GAS2: variants seen among roughly 807,000 people sequenced by gnomAD.
GAS2 encodes growth arrest specific 2.
In GAS2, 20 loss-of-function variants were observed where a neutral mutation model predicts 37.5. The ratio of observed to expected loss-of-function variants is 0.53; its 90% CI spans 0.37 to 0.77. GAS2 has a LOEUF of 0.77. Among genes scored for constraint, GAS2 ranks in the 30% least tolerant of loss-of-function variants. The probability of loss-of-function intolerance (pLI) is 0.00; values close to 1 mark genes in which losing one functional copy is unlikely to be tolerated. For missense variants in GAS2, 336 were observed against 373.4 expected (o/e 0.90, Z 0.82); for synonymous variants, 144 against 132.2 (o/e 1.09, Z -0.61).
At chr11:22,783,597 A>G (rs1855675617) in intron 7 of GAS2, among the ~76,000 whole-genome samples, 1 of 152,126 alleles carries the variant, frequency 6.6e-6, no homozygotes, top group African/African-American at 2.4e-5. Context: ...CTTTTGAAGT[A>G]GTTTGTACAA....
intron 1 of GAS2, among the ~76,000 whole-genome samples, chr11:22,645,972 T>A (rs1021897607): frequency 3.3e-5 from 5 of 151,700 alleles, no homozygotes; most frequent in African/African-American, 1.2e-4. Flanking sequence ...GCCTCCCGAG[T>A]AGCTGGGATT....
chr11:22,759,206 G>T (rs913275529), intron 7 of GAS2, among the ~76,000 whole-genome samples: 1 of 152,184 alleles, frequency 6.6e-6, no homozygotes, highest in Admixed American at 6.5e-5. Flanking sequence ...ATTTTCTGCA[G>T]AGAATATCTT....
chr11:22,698,819 A>C (rs1462164835), intron 3 of GAS2, among the ~76,000 whole-genome samples: 1 of 152,174 alleles, frequency 6.6e-6, no homozygotes, highest in Non-Finnish European at 1.5e-5. Flanking sequence ...TATTTAAGAA[A>C]ATGTGAAGTA....
chr11:22,732,469 C>G (rs1186935257), intron 4 of GAS2, among the ~76,000 whole-genome samples: 1 of 151,736 alleles, frequency 6.6e-6, no homozygotes, highest in Non-Finnish European at 1.5e-5. Flanking sequence ...TGTGGATACT[C>G]ACACACATCA....
intron 3 of GAS2, among the ~76,000 whole-genome samples, chr11:22,710,687 A>C (rs929796580): frequency 2.0e-5 from 3 of 152,120 alleles, no homozygotes; most frequent in Non-Finnish European, 4.4e-5. Context: ...CACACCTGCT[A>C]TCTCAAGCTC....
At chr11:22,811,715 C>G in intron 7 of GAS2, 83 bp from the exon 8 acceptor site, 1 of 1,314,676 alleles carries the variant, frequency 7.6e-7, no homozygotes, top group South Asian at 1.3e-5. Flanking sequence ...AACCAAAACA[C>G]TAATTTCACT....
intron 7 of GAS2, among the ~76,000 whole-genome samples, chr11:22,805,454 A>G (rs934678497): frequency 6.6e-6 from 1 of 152,142 alleles, no homozygotes; most frequent in African/African-American, 2.4e-5. Flanking sequence ...ATCATGCAGT[A>G]CAACAAATCT....
intron 3 of GAS2, among the ~76,000 whole-genome samples, chr11:22,686,896 T>C (rs1294974320): frequency 6.6e-6 from 1 of 152,176 alleles, no homozygotes; most frequent in Non-Finnish European, 1.5e-5. Context: ...TATTACTCCG[T>C]AAAGTATTGT....
intron 7 of GAS2, among the ~76,000 whole-genome samples, chr11:22,792,939 C>T (rs1200424200): frequency 6.6e-6 from 1 of 152,096 alleles, no homozygotes; most frequent in African/African-American, 2.4e-5. Context: ...ATTTAAAAGA[C>T]ATAACAAAGA....
At chr11:22,736,434 A>G (rs1254558331) in intron 4 of GAS2, among the ~76,000 whole-genome samples, 1 of 152,188 alleles carries the variant, frequency 6.6e-6, no homozygotes, top group Admixed American at 6.5e-5. Flanking sequence ...GAATTCTGGT[A>G]GGATTCAAAT....
chr11:22,671,265 G>C (rs1229874766), intron 1 of GAS2, among the ~76,000 whole-genome samples: 1 of 151,986 alleles, frequency 6.6e-6, no homozygotes, highest in Non-Finnish European at 1.5e-5. Flanking sequence ...TTAAGTTTCT[G>C]CATGTTTTTC....
chr11:22,749,479 A>G (rs545980607), intron 6 of GAS2, among the ~76,000 whole-genome samples: 1 of 152,190 alleles, frequency 6.6e-6, no homozygotes, highest in South Asian at 2.1e-4. Context: ...GCTGCAGACC[A>G]ATATCTAAAA....
At chr11:22,637,367 T>C (rs1489686248) in intron 1 of GAS2, among the ~76,000 whole-genome samples, 1 of 102,982 alleles carries the variant, frequency 9.7e-6, no homozygotes, top group Non-Finnish European at 1.7e-5. Flanking sequence ...TTAATTATAT[T>C]AATAGTATAC....
intron 1 of GAS2, chr11:22,668,399 A>C (rs1335514264): frequency 6.6e-6 from 1 of 152,230 alleles, no homozygotes; most frequent in Non-Finnish European, 1.5e-5. Flanking sequence ...GAGACTTTGC[A>C]CAGGGCTGCC....
intron 1 of GAS2, among the ~76,000 whole-genome samples, chr11:22,629,093 C>T (rs1183324062): frequency 6.6e-6 from 1 of 151,972 alleles, no homozygotes; most frequent in African/African-American, 2.4e-5. Context: ...TATGTTGGTT[C>T]CGTATCTTTG....
intron 1 of GAS2, among the ~76,000 whole-genome samples, chr11:22,673,235 T>C (rs1849277500): frequency 6.6e-6 from 1 of 152,192 alleles, no homozygotes; most frequent in African/African-American, 2.4e-5. Flanking sequence ...ACCAGTGTCT[T>C]ATTTGTTCTT....
chr11:22,680,206 G>T (rs575637415), intron 2 of GAS2, among the ~76,000 whole-genome samples: 1 of 152,120 alleles, frequency 6.6e-6, no homozygotes, highest in African/African-American at 2.4e-5. Context: ...AGGACAGATG[G>T]TATCTTCCGT....
rs1858646926 is a variant in GAS2 at position 22,626,005 on chromosome 11, CAA to C, written c.-21+194_-21+195del. 21 of 681,468 alleles carry C rather than the reference CAA, an allele frequency of 3.1e-5. No homozygotes were observed. The South Asian group carries it at 3.5e-4, about 12-fold the overall frequency. The allele number at this position is 681,468 out of a possible 1,614,324, so 42.2% of individuals were successfully genotyped here. On this transcript the variant is annotated intron_variant, in intron 1 of 5. Coordinates refer to the GAS2 transcript ENST00000528582. ...CCCTAATACTTTTACTTTCGCCACA[CAA>C]AGAGGTTCTTCTTAGTGGAGGGAGA... is the stretch of plus-strand genomic sequence containing the variant.
intron 7 of GAS2, among the ~76,000 whole-genome samples, chr11:22,780,235 G>A (rs1358947799): frequency 6.6e-6 from 1 of 152,172 alleles, no homozygotes; most frequent in Non-Finnish European, 1.5e-5. Flanking sequence ...CGTGGCTCAT[G>A]CCTGTAATCC....
Sources: gnomAD v4.1 joint callset for allele counts (sites outside exome capture counted in the v4.1 genomes callset) on GRCh38, gnomAD v4.1.1 for gene constraint, MANE v1.5 for transcripts, NCBI Gene and HGNC (gene_info 2026-07-23, HGNC 2026-07-21) for gene names.